The following KDM4C variants were observed in gnomAD, a reference collection of about 807,000 sequenced individuals.
The protein encoded by KDM4C is lysine-specific demethylase 4C.
A neutral mutation model predicts 129.3 loss-of-function variants in KDM4C; 81 were observed. That is an observed-to-expected ratio of 0.63 (90% CI 0.52 to 0.75). The LOEUF (loss-of-function observed/expected upper bound fraction) is 0.75, where lower values mean the gene tolerates loss of function less well. Among genes scored for constraint, KDM4C ranks in the 30% least tolerant of loss-of-function variants. KDM4C has a pLI of 0.00. For missense variants in KDM4C, 1,457 were observed against 1,304.0 expected (o/e 1.12, Z -1.81); for synonymous variants, 573 against 456.1 (o/e 1.26, Z -3.26).
chr9:6,746,921 G>T (rs1286808473), intron 1 of KDM4C, among the ~76,000 whole-genome samples: 9 of 145,844 alleles, frequency 6.2e-5, no homozygotes, highest in Non-Finnish European at 1.0e-4. Flanking sequence ...CAGGAGAATG[G>T]CGTGAATCCG....
intron 19 of KDM4C, among the ~76,000 whole-genome samples, chr9:7,148,795 G>A (rs796308910): frequency 1.4e-4 from 21 of 152,360 alleles, no homozygotes; most frequent in African/African-American, 4.6e-4. Flanking sequence ...GTCCCAAGGA[G>A]TGTCTGAGTC....
chr9:7,031,168 T>A (rs1308275896), intron 15 of KDM4C, among the ~76,000 whole-genome samples: 8 of 78,614 alleles, frequency 1.0e-4, no homozygotes, highest in Non-Finnish European at 1.9e-4. Context: ...ATTTATTTAT[T>A]TATGTATGTT....
intron 8 of KDM4C, among the ~76,000 whole-genome samples, chr9:6,899,374 A>G (rs1816985188): frequency 6.6e-6 from 1 of 152,046 alleles, no homozygotes; most frequent in Non-Finnish European, 1.5e-5. Context: ...TTTATTTTTT[A>G]AGGAAACCCA....
chr9:7,037,197 A>G (rs555131961), intron 15 of KDM4C, among the ~76,000 whole-genome samples: 1 of 152,274 alleles, frequency 6.6e-6, no homozygotes, highest in East Asian at 1.9e-4. Flanking sequence ...TGTTTCTGTT[A>G]TGAACGTGTC....
intron 12 of KDM4C, among the ~76,000 whole-genome samples, chr9:7,008,933 C>G (rs1462819908): frequency 6.6e-6 from 1 of 152,198 alleles, no homozygotes; most frequent in Non-Finnish European, 1.5e-5. Flanking sequence ...TGGAATAAGT[C>G]ACTAGTTCTT....
At chr9:6,928,506 C>G (rs867709220) in intron 8 of KDM4C, among the ~76,000 whole-genome samples, 1 of 152,278 alleles carries the variant, frequency 6.6e-6, no homozygotes. Flanking sequence ...TATCCTACTT[C>G]CTCGTGGTTT....
rs1587779030 is a variant in KDM4C at position 7,128,312 on chromosome 9, A to G, written c.2781+76A>G. 5.5e-6 allele frequency: 7 copies of G among 1,264,414 alleles called. No homozygotes were observed. In the East Asian group the frequency reaches 1.9e-4, roughly 35 times the overall value. The allele number at this position is 1,264,414 out of a possible 1,614,324, so 78.3% of individuals were successfully genotyped here. Reference sequence around the variant, plus strand: ...AACCAAAGTAACTGAGCCCTTCAGAATTTTTCTTTTGGCTTTTTGAGTAGC... The same window carrying G: ...AACCAAAGTAACTGAGCCCTTCAGAGTTTTTCTTTTGGCTTTTTGAGTAGC... On this transcript the variant is annotated intron_variant, in intron 19 of 21. Coordinates refer to ENST00000381309, the MANE Select transcript of KDM4C (RefSeq NM_015061.6).
intron 19 of KDM4C, among the ~76,000 whole-genome samples, chr9:7,149,049 C>T (rs374451131): frequency 2.7e-4 from 41 of 152,320 alleles, no homozygotes; most frequent in African/African-American, 8.7e-4. Flanking sequence ...TGCCTTTTGC[C>T]GTCATCAACT....
chr9:6,771,867 G>T (rs1346665105), intron 1 of KDM4C, among the ~76,000 whole-genome samples: 1 of 152,134 alleles, frequency 6.6e-6, no homozygotes, highest in Admixed American at 6.6e-5. Context: ...TAGTTGCCAG[G>T]AAGCCAAAGC....
intron 21 of KDM4C, among the ~76,000 whole-genome samples, chr9:7,172,148 A>G (rs1030195488): frequency 1.3e-5 from 2 of 152,160 alleles, no homozygotes; most frequent in African/African-American, 4.8e-5. Flanking sequence ...TATGGTTAGA[A>G]AAGTCTTTTT....
intron 8 of KDM4C, among the ~76,000 whole-genome samples, chr9:6,960,719 T>G (rs560822182): frequency 6.6e-6 from 1 of 152,336 alleles, no homozygotes; most frequent in African/African-American, 2.4e-5. Context: ...ATGCCCACCC[T>G]TTGTAGGCAG....
At chr9:6,807,776 G>C (rs1161737830) in intron 3 of KDM4C, among the ~76,000 whole-genome samples, 1 of 141,296 alleles carries the variant, frequency 7.1e-6, no homozygotes, top group South Asian at 2.2e-4. Context: ...CAGCCACCCC[G>C]TCTGGGAGGG....
intron 18 of KDM4C, among the ~76,000 whole-genome samples, chr9:7,123,591 A>T (rs899875796): frequency 6.6e-6 from 1 of 152,182 alleles, no homozygotes; most frequent in South Asian, 2.1e-4. Context: ...TGTTACAGAC[A>T]CCGTGCTGGG....
chr9:7,148,486 C>T (rs1286280754), intron 19 of KDM4C, among the ~76,000 whole-genome samples: 9 of 152,110 alleles, frequency 5.9e-5, no homozygotes, highest in East Asian at 1.9e-4. Flanking sequence ...TGTAGTGTTA[C>T]GGCAGCTCTG....
intron 8 of KDM4C, among the ~76,000 whole-genome samples, chr9:6,905,334 C>T (rs556678655): frequency 5.3e-5 from 8 of 152,236 alleles, no homozygotes; most frequent in African/African-American, 1.9e-4. Flanking sequence ...TGAAACTCTT[C>T]TCGGTTGTAT....
At chr9:7,109,139 A>G (rs890246459) in intron 18 of KDM4C, among the ~76,000 whole-genome samples, 2 of 152,180 alleles carry the variant, frequency 1.3e-5, no homozygotes, top group Non-Finnish European at 2.9e-5. Context: ...TGTTTCCCTA[A>G]TGGGCATATG....
chr9:7,127,789 A>G (rs1025477425), intron 18 of KDM4C: 9 of 273,060 alleles, frequency 3.3e-5, no homozygotes, highest in Non-Finnish European at 5.5e-5. Flanking sequence ...ATACATACAT[A>G]TTGTTTTCTC....
chr9:7,116,443 A>G (rs892665071), intron 18 of KDM4C, among the ~76,000 whole-genome samples: 6 of 101,304 alleles, frequency 5.9e-5, no homozygotes, highest in Non-Finnish European at 2.1e-5. Context: ...GTGATCAAGA[A>G]CAGGAGGGCC....
intron 5 of KDM4C, among the ~76,000 whole-genome samples, chr9:6,877,380 T>G (rs1843720909): frequency 6.6e-6 from 1 of 152,186 alleles, no homozygotes; most frequent in Non-Finnish European, 1.5e-5. Context: ...TTTTGTATTT[T>G]TAGTAGAAAT....
Sources: gnomAD v4.1 joint callset for allele counts (sites outside exome capture counted in the v4.1 genomes callset) on GRCh38, gnomAD v4.1.1 for gene constraint, MANE v1.5 for transcripts, NCBI Gene and HGNC (gene_info 2026-07-23, HGNC 2026-07-21) for gene names.